The following FAT3 variants were observed in gnomAD, a reference collection of about 807,000 sequenced individuals.
The protein encoded by FAT3 is FAT atypical cadherin 3, also known as protocadherin Fat 3.
In FAT3, 95 loss-of-function variants were observed where a neutral mutation model predicts 310.2. The ratio of observed to expected loss-of-function variants is 0.31; its 90% CI spans 0.26 to 0.36. The LOEUF (loss-of-function observed/expected upper bound fraction) is 0.36, where lower values mean the gene tolerates loss of function less well. Among genes scored for constraint, FAT3 ranks in the 10% least tolerant of loss-of-function variants. The probability of loss-of-function intolerance (pLI) is 1.00; values close to 1 mark genes in which losing one functional copy is unlikely to be tolerated. For missense variants in FAT3, 5,408 were observed against 5,715.6 expected, an observed-to-expected ratio of 0.95 and a Z score of 1.74; for synonymous variants, 2,314 against 2,192.9, an observed-to-expected ratio of 1.06 and a Z score of -1.54.
rs748441406 is a variant in FAT3 at position 92,867,192 on chromosome 11, C to T, written c.12110C>T (p.Thr4037Ile). Residue 4037 changes from threonine (T) to isoleucine (I), a missense_variant, in exon 22 of 28, where the codon ACT becomes ATT. By Grantham distance (89) the Thr-to-Ile change is moderately conservative (BLOSUM62 -1). This residue lies in a region of FAT3 where 4,588 missense variants were observed against 4,809.8 expected (regional missense o/e 0.95). Transcript: ENST00000525166. The part of the protein sequence containing the change: ...RSPCQHGGSC[T>I]GLPSGGYQCT... ...CCGTGCCAGCACGGGGGCAGCTGCA[C>T]TGGCCTGCCATCGGGGGGTGAGTGT... 1 of 1,580,660 alleles carries T rather than the reference C, an allele frequency of 6.3e-7. No homozygotes were observed. The highest frequency in any genetic ancestry group is 1.1e-5 in the South Asian group (1 of 87,186).
At chr11:92,859,873 C>G (rs1343018450) in intron 21 of FAT3, among the ~76,000 whole-genome samples, 2 of 152,132 alleles carry the variant, frequency 1.3e-5, no homozygotes, top group African/African-American at 4.8e-5. Flanking sequence ...ATATTCACCT[C>G]AAGGATTCTG....
In FAT3 at chr11:92,891,034, A is replaced by T. The variant is rs1773498414; in HGVS notation, c.13691A>T (p.Asp4564Val). The T allele has an allele frequency of 1.9e-6, 3 of 1,613,872 alleles. No homozygotes were observed. The highest frequency in any genetic ancestry group is 2.5e-6 in the Non-Finnish European group (3 of 1,179,862). Residue 4564 changes from aspartate to valine, a missense_variant, in exon 28 of 28, where the codon GAC (aspartate) becomes GTC (valine). Physicochemically the swap from Asp to Val is radical, Grantham distance 152 (BLOSUM62 -3). Coordinates refer to ENST00000525166, the MANE Select transcript of FAT3 (RefSeq NM_001367949.2). ...GACGATTCCGAAGTAGCCATGAGTG[A>T]CTACGAGAGCGTGGGAGAGCTCAGC... ...GFDDSEVAMS[D>V]YESVGELSLA...
chr11:92,408,461 T>G (rs1307785588), intron 2 of FAT3, among the ~76,000 whole-genome samples: 1 of 152,164 alleles, frequency 6.6e-6, no homozygotes, highest in African/African-American at 2.4e-5. Context: ...TCTCCGAGCC[T>G]TAGTTCCCCC....
chr11:92,883,402 G>A lies in FAT3; in HGVS notation c.12937+9G>A, dbSNP rs369681602. 1.4e-4 allele frequency: 220 copies of A among 1,591,346 alleles called. No homozygotes were observed. The highest frequency in any genetic ancestry group is 1.8e-4 in the Non-Finnish European group (210 of 1,167,520). On this transcript the variant is annotated intron_variant, in intron 24 of 27. Transcript: ENST00000525166. The surrounding 1 kb of genome is among the most constrained non-coding windows in gnomAD (Gnocchi z 4.2). ...GGACGCGGGAACTGAGAGTGAGTAG[G>A]AAGTGGTAATGCTCACCCCTCGGTG...
At chr11:92,331,469 C>A (rs977199178) in intron 1 of FAT3, among the ~76,000 whole-genome samples, 3 of 152,050 alleles carry the variant, frequency 2.0e-5, no homozygotes, top group Admixed American at 6.5e-5. Context: ...CTAAACATAG[C>A]CCCTCAGGGC....
At chr11:92,520,772 T>G (rs2135347161) in intron 2 of FAT3, among the ~76,000 whole-genome samples, 1 of 152,262 alleles carries the variant, frequency 6.6e-6, no homozygotes, top group South Asian at 2.1e-4. Flanking sequence ...TCAGTCCTTT[T>G]AAAATTTGTC....
intron 3 of FAT3, among the ~76,000 whole-genome samples, chr11:92,679,868 A>AG (rs1156696567): frequency 2.0e-5 from 3 of 148,000 alleles, no homozygotes; most frequent in African/African-American, 7.5e-5. Flanking sequence ...AAAAAAAAAA[A>AG]GTTGAACGTT....
intron 6 of FAT3, among the ~76,000 whole-genome samples, chr11:92,772,440 C>G (rs1420749293): frequency 6.6e-6 from 1 of 151,890 alleles, no homozygotes; most frequent in Non-Finnish European, 1.5e-5. Context: ...ATGTTGTTAT[C>G]AACATGAAAC....
At chr11:92,677,527 G>T (rs968365515) in intron 3 of FAT3, among the ~76,000 whole-genome samples, 12 of 152,168 alleles carry the variant, frequency 7.9e-5, no homozygotes, top group Non-Finnish European at 1.6e-4. Context: ...TATCTTTTGT[G>T]CTCCTATAAC....
At chr11:92,513,389 A>G (rs1591386560) in intron 2 of FAT3, among the ~76,000 whole-genome samples, 1 of 152,200 alleles carries the variant, frequency 6.6e-6, no homozygotes, top group Admixed American at 6.5e-5. Context: ...AGAACAAGAA[A>G]GAAAAATAGT....
chr11:92,511,966 A>G (rs1469941928), intron 2 of FAT3, among the ~76,000 whole-genome samples: 1 of 152,188 alleles, frequency 6.6e-6, no homozygotes, highest in East Asian at 1.9e-4. Flanking sequence ...TGTGAGGAGC[A>G]CAAGAACTTG....
chr11:92,276,194 T>G (rs2134349968), intron 1 of FAT3, among the ~76,000 whole-genome samples: 1 of 152,318 alleles, frequency 6.6e-6, no homozygotes, highest in East Asian at 1.9e-4. Flanking sequence ...CCTTTTTTAT[T>G]TGTATTAATA....
chr11:92,495,404 A>G (rs1337996416), intron 2 of FAT3, among the ~76,000 whole-genome samples: 1 of 152,126 alleles, frequency 6.6e-6, no homozygotes, highest in Non-Finnish European at 1.5e-5. Flanking sequence ...TTTGTGTACA[A>G]TGAAGTGTTC....
At chr11:92,455,766 G>T (rs1320260534) in intron 2 of FAT3, among the ~76,000 whole-genome samples, 2 of 152,102 alleles carry the variant, frequency 1.3e-5, no homozygotes, top group African/African-American at 2.4e-5. Flanking sequence ...TTATTTACAT[G>T]ATGGGAATAA....
At chr11:92,728,046 A>G (rs1229063226) in intron 4 of FAT3, among the ~76,000 whole-genome samples, 1 of 152,038 alleles carries the variant, frequency 6.6e-6, no homozygotes, top group Non-Finnish European at 1.5e-5. Context: ...GGTCTCTGAC[A>G]CCTCCCAGGG....
At chr11:92,337,781 A>G (rs1219512131) in intron 1 of FAT3, among the ~76,000 whole-genome samples, 1 of 152,240 alleles carries the variant, frequency 6.6e-6, no homozygotes, top group African/African-American at 2.4e-5. Flanking sequence ...ATTCAAGTTC[A>G]AACCTCGAAG....
At chr11:92,246,607 G>C (rs1414285888) in intron 1 of FAT3, among the ~76,000 whole-genome samples, 2 of 152,106 alleles carry the variant, frequency 1.3e-5, no homozygotes, top group Non-Finnish European at 2.9e-5. Context: ...TAAGTAGGCA[G>C]CTAGGCTAGA....
chr11:92,379,340 C>A (rs76111834), intron 2 of FAT3, among the ~76,000 whole-genome samples: 7,865 of 152,218 alleles, frequency 0.052, 677 homozygotes, highest in African/African-American at 0.17. Context: ...TCAAACATTT[C>A]TGTATTTGCC....
chr11:92,626,972 G>A (rs1306942237), intron 3 of FAT3, among the ~76,000 whole-genome samples: 2 of 152,160 alleles, frequency 1.3e-5, no homozygotes, highest in Admixed American at 6.5e-5. Flanking sequence ...GAAAAAATGA[G>A]TGAATTCTAT....
Sources: gnomAD v4.1 joint callset for allele counts (sites outside exome capture counted in the v4.1 genomes callset) on GRCh38, gnomAD v4.1.1 for gene constraint, gnomAD v4.1.1 regional missense constraint, Gnocchi (gnomAD v3.1) non-coding constraint, MANE v1.5 for transcripts, NCBI Gene and HGNC (gene_info 2026-07-23, HGNC 2026-07-21) for gene names.